The following SP4 variants were observed in gnomAD, a reference collection of about 807,000 sequenced individuals.
SP4 encodes transcription factor Sp4.
SP4 carries 19 observed loss-of-function variants against 72.8 expected under a neutral mutation model. The ratio of observed to expected loss-of-function variants is 0.26; its 90% CI spans 0.18 to 0.38. SP4 has a LOEUF of 0.38. Among genes scored for constraint, SP4 ranks in the 10% least tolerant of loss-of-function variants. The pLI is 1.00. For missense variants in SP4, 1,008 were observed against 926.3 expected, an observed-to-expected ratio of 1.09 and a Z score of -1.14; for synonymous variants, 395 against 333.1, an observed-to-expected ratio of 1.19 and a Z score of -2.02.
At chr7:21,446,819 A>G (rs1019256498) in intron 3 of SP4, among the ~76,000 whole-genome samples, 4 of 89,156 alleles carry the variant, frequency 4.5e-5, no homozygotes, top group African/African-American at 2.3e-4. Context: ...TGTTTTGACA[A>G]ATTCTTTTTT....
intron 3 of SP4, among the ~76,000 whole-genome samples, chr7:21,469,973 G>C (rs183352235): frequency 4.8e-4 from 73 of 152,206 alleles, no homozygotes; most frequent in South Asian, 1.7e-3. Context: ...CATAGTTTCA[G>C]AACCAAGGTT....
intron 5 of SP4, among the ~76,000 whole-genome samples, chr7:21,496,967 A>G (rs1781723870): frequency 6.6e-6 from 1 of 152,206 alleles, no homozygotes; most frequent in Non-Finnish European, 1.5e-5. Context: ...GACCTTCTAG[A>G]TTCCTGTGTA....
chr7:21,503,525 C>G (rs1356333767), intron 5 of SP4, among the ~76,000 whole-genome samples: 2 of 152,184 alleles, frequency 1.3e-5, no homozygotes, highest in Non-Finnish European at 1.5e-5. Context: ...GTAAACCTTC[C>G]ATAATTCACC....
chr7:21,451,230 C>A lies in SP4; in HGVS notation c.1678+20387C>A, dbSNP rs182459033. On this transcript the variant is annotated intron_variant, in intron 3 of 5. Coordinates refer to ENST00000222584, the MANE Select transcript of SP4 (RefSeq NM_003112.5). ...CTTAGTGTGTATGCTTGAGCTCACT[C>A]GTCCAACTCCTGAGATCTTATCAGG... 1.4e-4 allele frequency among the ~76,000 whole-genome samples: 22 copies of A among 152,184 alleles called. 1 individual carries two copies. The highest frequency in any genetic ancestry group is 1.1e-3 in the Admixed American group (17 of 15,282).
Position 21,428,298 on chromosome 7 carries a change from C to T in SP4, c.7+40C>T. On this transcript the variant is annotated intron_variant, in intron 1 of 5. Coordinates refer to ENST00000222584, the MANE Select transcript of SP4 (RefSeq NM_003112.5). ...CCCCCCTCAGTCTCCTTCGCCGCCT[C>T]CCTCTCTCCCTCCCTCCCCAGACCC... 4 of 1,148,428 alleles carry T rather than the reference C, an allele frequency of 3.5e-6. No homozygotes were observed. In the South Asian group the frequency reaches 3.9e-5, roughly 11 times the overall value. The allele number at this position is 1,148,428 out of a possible 1,614,324, so 71.1% of individuals were successfully genotyped here. A position where few individuals can be genotyped will look rare whatever the true frequency, so the allele number is the denominator to read the frequency against.
intron 3 of SP4, among the ~76,000 whole-genome samples, chr7:21,444,855 C>T (rs954675642): frequency 6.6e-6 from 1 of 152,244 alleles, no homozygotes; most frequent in East Asian, 1.9e-4. Context: ...TGTAATCTCC[C>T]TTTACAGCTA....
intron 3 of SP4, among the ~76,000 whole-genome samples, chr7:21,464,339 G>A (rs919777374): frequency 1.3e-5 from 2 of 151,704 alleles, no homozygotes; most frequent in South Asian, 2.1e-4. Flanking sequence ...CTCATGATCC[G>A]CCCACCTCGG....
chr7:21,482,203 A>ACT, intron 5 of SP4, 80 bp downstream of exon 5: 3 of 1,088,600 alleles, frequency 2.8e-6, no homozygotes, highest in Non-Finnish European at 4.1e-6. Flanking sequence ...TTTAGCTATC[A>ACT]AATTGGAAAT....
intron 5 of SP4, among the ~76,000 whole-genome samples, chr7:21,490,582 C>T (rs1035578081): frequency 6.6e-6 from 1 of 152,118 alleles, no homozygotes; most frequent in African/African-American, 2.4e-5. Context: ...CTTTTCTAGC[C>T]GGAGGAACTA....
intron 3 of SP4, among the ~76,000 whole-genome samples, chr7:21,439,711 G>A (rs1783175201): frequency 6.6e-6 from 1 of 152,026 alleles, no homozygotes; most frequent in South Asian, 2.1e-4. Context: ...GCAACATAGT[G>A]AGACTGTACC....
At chr7:21,466,097 C>T (rs1175414911) in intron 3 of SP4, among the ~76,000 whole-genome samples, 2 of 152,124 alleles carry the variant, frequency 1.3e-5, no homozygotes, top group Non-Finnish European at 1.5e-5. Context: ...ACTGTCCTCT[C>T]TGTTAAGTAG....
At chr7:21,501,614 A>T (rs75914368) in intron 5 of SP4, among the ~76,000 whole-genome samples, 2,061 of 152,328 alleles carry the variant, frequency 0.014, 47 homozygotes, top group East Asian at 0.078. Flanking sequence ...GTAAGGATTG[A>T]GGGCTACCAT....
intron 3 of SP4, among the ~76,000 whole-genome samples, chr7:21,438,287 G>A (rs1051608594): frequency 3.3e-5 from 5 of 151,946 alleles, no homozygotes; most frequent in East Asian, 1.9e-4. Flanking sequence ...ATTTTATTTC[G>A]TTCTGGGTAC....
chr7:21,477,080 T>A lies in SP4; in HGVS notation c.1680T>A (p.Gly560=), dbSNP rs753930617. 1.9e-6 allele frequency: 3 copies of A among 1,610,910 alleles called. No homozygotes were observed. The South Asian group carries it at 3.3e-5, about 18-fold the overall frequency. Residue 560 remains glycine (G), a splice_region_variant and synonymous_variant, in exon 4 of 6, where the codon GGT becomes GGA. Transcript: ENST00000222584. ...CTTCTTTTTTTTCTTCCTTTTTAGG[T>A]CAGCAGCAAGGACAAGATGGAGTAA... ...GVPVTITSVA[G]QQQGQDGVKV... is the part of the protein sequence containing the mutation.
chr7:21,451,390 G>A (rs972197432), intron 3 of SP4, among the ~76,000 whole-genome samples: 2 of 152,162 alleles, frequency 1.3e-5, no homozygotes, highest in Non-Finnish European at 2.9e-5. Context: ...TGGTTGCGGG[G>A]TTAGGGGGTG....
At chr7:21,441,273 G>A (rs1203706368) in intron 3 of SP4, among the ~76,000 whole-genome samples, 2 of 152,150 alleles carry the variant, frequency 1.3e-5, no homozygotes, top group Non-Finnish European at 2.9e-5. Context: ...TGCTAAACTT[G>A]GAATGAGCTT....
chr7:21,475,218 G>C (rs1444264793), intron 3 of SP4, among the ~76,000 whole-genome samples: 1 of 151,144 alleles, frequency 6.6e-6, no homozygotes, highest in Non-Finnish European at 1.5e-5. Context: ...GGGTTCAAGC[G>C]ATTCTGCTGC....
At chr7:21,459,200 A>T (rs1278396414) in intron 3 of SP4, among the ~76,000 whole-genome samples, 1 of 152,150 alleles carries the variant, frequency 6.6e-6, no homozygotes, top group East Asian at 1.9e-4. Flanking sequence ...GCTCACTGCA[A>T]CCTCCGCCTC....
chr7:21,454,758 T>C (rs73685130), intron 3 of SP4, among the ~76,000 whole-genome samples: 3,739 of 152,258 alleles, frequency 0.025, 155 homozygotes, highest in African/African-American at 0.084. Flanking sequence ...GTTGAAGTTA[T>C]TGGTTAAAGA....
Sources: allele counts gnomAD v4.1 joint callset (sites outside exome capture counted in the v4.1 genomes callset), GRCh38; gene constraint gnomAD v4.1.1; transcripts MANE v1.5; gene names NCBI Gene and HGNC (gene_info 2026-07-23, HGNC 2026-07-21).